Variants in MYO1D observed in about 807,000 individuals in gnomAD.
MYO1D encodes the protein myosin ID.
MYO1D carries 83 observed loss-of-function variants against 122.0 expected under a neutral mutation model. The ratio of observed to expected loss-of-function variants is 0.68; its 90% CI spans 0.57 to 0.82. MYO1D has a LOEUF of 0.82. Among genes scored for constraint, MYO1D ranks in the 40% least tolerant of loss-of-function variants. The pLI, the probability that MYO1D is intolerant of heterozygous loss-of-function variation, is 0.00. For synonymous variants in MYO1D, 464 were observed against 446.9 expected, an observed-to-expected ratio of 1.04 and a Z score of -0.48; for missense variants, 1,157 against 1,269.5, an observed-to-expected ratio of 0.91 and a Z score of 1.35.
chr17:32,675,727 GAACC>G (rs1435367223), intron 16 of MYO1D, among the ~76,000 whole-genome samples: 8 of 152,024 alleles, frequency 5.3e-5, no homozygotes, highest in Admixed American at 5.2e-4. Flanking sequence ...TAAATTAAGT[GAACC>G]ATCCTTTTGT....
intron 16 of MYO1D, among the ~76,000 whole-genome samples, chr17:32,677,509 T>C (rs1337494143): frequency 6.6e-6 from 1 of 151,396 alleles, no homozygotes; most frequent in Non-Finnish European, 1.5e-5. Context: ...ATTTGAAATC[T>C]TTATATATCT....
intron 21 of MYO1D, among the ~76,000 whole-genome samples, chr17:32,513,316 G>C (rs1909759879): frequency 6.6e-6 from 1 of 152,240 alleles, no homozygotes; most frequent in African/African-American, 2.4e-5. Context: ...CAAGAGTGGG[G>C]TCCCGCTGGA....
At chr17:32,758,375 T>A (rs2089968960) in intron 10 of MYO1D, among the ~76,000 whole-genome samples, 1 of 152,040 alleles carries the variant, frequency 6.6e-6, no homozygotes, top group African/African-American at 2.4e-5. Context: ...AGAAGACAAT[T>A]AAGGAAATAT....
At chr17:32,574,727 C>T (rs916140799) in intron 21 of MYO1D, among the ~76,000 whole-genome samples, 3 of 152,196 alleles carry the variant, frequency 2.0e-5, no homozygotes, top group Non-Finnish European at 2.9e-5. Context: ...AGTAAAGGTA[C>T]ACGAGGTGCA....
intron 20 of MYO1D, among the ~76,000 whole-genome samples, chr17:32,612,526 A>G (rs1329954296): frequency 6.6e-6 from 1 of 151,704 alleles, no homozygotes; most frequent in Non-Finnish European, 1.5e-5. Flanking sequence ...CAGCTAAAAA[A>G]AAAATTAGCT....
intron 21 of MYO1D, among the ~76,000 whole-genome samples, chr17:32,546,676 C>T (rs2086967659): frequency 6.6e-6 from 1 of 152,140 alleles, no homozygotes; most frequent in Non-Finnish European, 1.5e-5. Context: ...CCCTGTGCTC[C>T]CAAATATGAA....
At chr17:32,664,966 C>T (rs1474298408) in intron 16 of MYO1D, among the ~76,000 whole-genome samples, 1 of 152,148 alleles carries the variant, frequency 6.6e-6, no homozygotes, top group Non-Finnish European at 1.5e-5. Context: ...CCTCATCTCC[C>T]GCTGTCCTCT....
chr17:32,727,149 A>C (rs796617986), intron 14 of MYO1D, among the ~76,000 whole-genome samples: 6 of 152,362 alleles, frequency 3.9e-5, no homozygotes, highest in African/African-American at 1.4e-4. Flanking sequence ...CTCATAGGCC[A>C]CATTTGGCAC....
intron 14 of MYO1D, chr17:32,734,647 C>T (rs1346412906): frequency 6.6e-6 from 1 of 152,150 alleles, no homozygotes; most frequent in Non-Finnish European, 1.5e-5. Flanking sequence ...ATTGTGATTT[C>T]TTCTTCAAAC....
rs2091241653 is a variant in MYO1D at position 32,877,025 on chromosome 17, G to A, written c.-153C>T. On this transcript the variant is annotated 5_prime_UTR_variant, in exon 1 of 22. Transcript: ENST00000318217. ...GCTCGGCGGGTCCGGGCCGGACAGA[G>A]GCCGCCTCGCTGCTCCTCGGCGCCT... The A allele has an allele frequency of 3.5e-6, 1 of 286,522 alleles. No individual in the cohort carries two copies. The highest frequency in any genetic ancestry group is 2.2e-5 in the African/African-American group (1 of 44,612). 17.7% of individuals were successfully genotyped at this position (286,522 alleles called of 1,614,324 possible).
chr17:32,842,706 T>C (rs1163212832), intron 1 of MYO1D, among the ~76,000 whole-genome samples: 1 of 152,102 alleles, frequency 6.6e-6, no homozygotes, highest in East Asian at 1.9e-4. Flanking sequence ...CAGAATGTGC[T>C]TCCACATTCT....
chr17:32,516,949 A>T (rs1319621714), intron 21 of MYO1D, among the ~76,000 whole-genome samples: 2 of 152,198 alleles, frequency 1.3e-5, no homozygotes, highest in African/African-American at 2.4e-5. Flanking sequence ...TGCTCCTTTT[A>T]TCTTATATCC....
chr17:32,865,805 G>A (rs1293113419), intron 1 of MYO1D, among the ~76,000 whole-genome samples: 2 of 152,224 alleles, frequency 1.3e-5, no homozygotes, highest in Non-Finnish European at 2.9e-5. Flanking sequence ...CTTCAGGAAT[G>A]AGGCTAGGAC....
chr17:32,636,106 C>A (rs1452856820), intron 20 of MYO1D, among the ~76,000 whole-genome samples: 1 of 151,924 alleles, frequency 6.6e-6, no homozygotes, highest in Non-Finnish European at 1.5e-5. Flanking sequence ...AATAATCCAC[C>A]CCCTTTCTCT....
At chr17:32,826,827 T>C (rs1001048682) in intron 1 of MYO1D, among the ~76,000 whole-genome samples, 3 of 152,230 alleles carry the variant, frequency 2.0e-5, no homozygotes, top group Admixed American at 2.0e-4. Flanking sequence ...AGCTAAATTC[T>C]GATACAATCA....
Position 32,876,984 on chromosome 17 carries a change from AG to A in MYO1D, c.-113del, listed in dbSNP as rs1323427421. ...GAGGCCGCGCCGCGAGGCTACGGGG[AG>A]GGGGCGCGCACGCCGCTCGGCGGGT... On this transcript the variant is annotated 5_prime_UTR_variant, in exon 1 of 22. Transcript: ENST00000318217. The A allele has an allele frequency of 6.0e-6, 3 of 499,762 alleles. No individual in the cohort carries two copies. In the African/African-American group the frequency reaches 6.2e-5, roughly 10 times the overall value. The allele number at this position is 499,762 out of a possible 1,614,324, so 31.0% of individuals were successfully genotyped here.
chr17:32,659,091 C>G, intron 17 of MYO1D, 24 bp downstream of exon 17: 1 of 1,594,270 alleles, frequency 6.3e-7, no homozygotes, highest in East Asian at 2.2e-5. Flanking sequence ...TAAATGGATG[C>G]AGCACACAGC....
chr17:32,667,824 A>G (rs904010622), intron 16 of MYO1D, among the ~76,000 whole-genome samples: 1 of 152,324 alleles, frequency 6.6e-6, no homozygotes, highest in Admixed American at 6.5e-5. Context: ...GCAATTCTTT[A>G]GTGCACACAA....
intron 16 of MYO1D, among the ~76,000 whole-genome samples, chr17:32,710,302 A>G (rs1414388983): frequency 6.6e-6 from 1 of 152,160 alleles, no homozygotes; most frequent in African/African-American, 2.4e-5. Context: ...ACATACAGGA[A>G]CTTAATATAT....
Sources: allele counts gnomAD v4.1 joint callset (sites outside exome capture counted in the v4.1 genomes callset), GRCh38; gene constraint gnomAD v4.1.1; transcripts MANE v1.5; gene names NCBI Gene and HGNC (gene_info 2026-07-23, HGNC 2026-07-21).